SOX5: variants seen among roughly 807,000 people sequenced by gnomAD.
The protein encoded by SOX5 is SRY-box transcription factor 5, also known as transcription factor SOX-5.
A neutral mutation model predicts 92.0 loss-of-function variants in SOX5; 9 were observed. The observed-to-expected ratio is 0.10, with a 90% CI of 0.06 to 0.17. The LOEUF is 0.17. SOX5 is among the 10% of genes least tolerant of loss of function. The pLI is 1.00. For missense variants in SOX5, 642 were observed against 944.5 expected, an observed-to-expected ratio of 0.68 and a Z score of 4.20; for synonymous variants, 344 against 336.3, an observed-to-expected ratio of 1.02 and a Z score of -0.25.
rs1409560914 is a variant in SOX5 at position 23,711,465 on chromosome 12, T to C, written c.810+23219A>G. 2.0e-5 allele frequency among the ~76,000 whole-genome samples: 3 copies of C among 152,158 alleles called. No individual in the cohort carries two copies. In the East Asian group the frequency reaches 5.8e-4, roughly 29 times the overall value. ...CATTTAAATATATATTTATGCCAAATCAACAATGTTGCTACACACATGCTG... is the reference window on the plus strand; with the variant it reads ...CATTTAAATATATATTTATGCCAAACCAACAATGTTGCTACACACATGCTG... On this transcript the variant is annotated intron_variant, in intron 6 of 14. Coordinates refer to ENST00000451604, the MANE Select transcript of SOX5 (RefSeq NM_006940.6).
chr12:24,412,244 C>T (rs535290748), intron 1 of SOX5, among the ~76,000 whole-genome samples: 1 of 152,062 alleles, frequency 6.6e-6, no homozygotes, highest in South Asian at 2.1e-4. Flanking sequence ...TTAAAGTAAC[C>T]TTAATTTTTT....
At chr12:23,983,435 T>C (rs1949783082) in intron 4 of SOX5, among the ~76,000 whole-genome samples, 1 of 152,184 alleles carries the variant, frequency 6.6e-6, no homozygotes, top group Non-Finnish European at 1.5e-5. Flanking sequence ...GTCGGAAGAC[T>C]GGCCTTTGAA....
chr12:23,801,094 G>A (rs767082372), intron 3 of SOX5, among the ~76,000 whole-genome samples: 27 of 152,094 alleles, frequency 1.8e-4, no homozygotes, highest in Non-Finnish European at 3.8e-4. Flanking sequence ...GCCATACTAC[G>A]AATAGGAAGT....
rs1955897784 is a variant in SOX5, at chr12:24,364,161, C to T, written c.-174+4402G>A. On this transcript the variant is annotated intron_variant, in intron 2 of 4. Transcript: ENST00000446891. ...GTGAATTTTCTCCCTCTGTTCACTC[C>T]TTAGCTCATGTCCTATTCAGAGGGG... Among the ~76,000 whole-genome samples the T allele has an allele frequency of 2.0e-5, 3 of 152,108 alleles. No individual in the cohort carries two copies. The South Asian group carries it at 6.2e-4, about 31-fold the overall frequency.
intron 8 of SOX5, among the ~76,000 whole-genome samples, chr12:23,611,959 A>T (rs939681462): frequency 6.6e-6 from 1 of 152,010 alleles, no homozygotes; most frequent in Non-Finnish European, 1.5e-5. Flanking sequence ...TACAACTGAA[A>T]TATGTCTTTC....
intron 4 of SOX5, among the ~76,000 whole-genome samples, chr12:23,979,730 T>G (rs1184648375): frequency 8.1e-6 from 1 of 123,656 alleles, no homozygotes; most frequent in African/African-American, 3.0e-5. Flanking sequence ...TTTTTTTTTT[T>G]TTTTGGAGAC....
chr12:24,411,268 T>A (rs904376456), intron 1 of SOX5, among the ~76,000 whole-genome samples: 5 of 151,984 alleles, frequency 3.3e-5, no homozygotes, highest in Non-Finnish European at 7.4e-5. Flanking sequence ...ATAGGGACAG[T>A]TTTATTTTTG....
chr12:23,597,438 C>G (rs563241752), intron 9 of SOX5, among the ~76,000 whole-genome samples: 1 of 152,196 alleles, frequency 6.6e-6, no homozygotes, highest in South Asian at 2.1e-4. Context: ...TGTTTAAGTA[C>G]CTAGCTGTTT....
At chr12:24,070,872 A>G (rs1941668249) in intron 4 of SOX5, among the ~76,000 whole-genome samples, 1 of 152,204 alleles carries the variant, frequency 6.6e-6, no homozygotes, top group Non-Finnish European at 1.5e-5. Context: ...CTTCCAGTCA[A>G]TTATCCACCA....
In SOX5 at chr12:24,312,023, CAAAG is replaced by C. The variant is rs201784145; in HGVS notation, c.-173-34715_-173-34712del. 9.2e-3 allele frequency among the ~76,000 whole-genome samples: 1,368 copies of C among 148,764 alleles called. 15 individuals carry two copies. Among genetic ancestry groups the C allele is most frequent in the African/African-American group, 0.026 (1,047 of 39,802 alleles). On this transcript the variant is annotated intron_variant, in intron 2 of 4. Coordinates refer to the SOX5 transcript ENST00000446891. ...TTAAAAATTCTACATAAATTAAACC[CAAAG>C]AAATTGGTAGTTGAGAAATTAAGGC...
At chr12:23,689,063 TATACTG>T (rs2088218709) in intron 6 of SOX5, among the ~76,000 whole-genome samples, 1 of 152,184 alleles carries the variant, frequency 6.6e-6, no homozygotes, top group African/African-American at 2.4e-5. Flanking sequence ...ACCTTCCAGG[TATACTG>T]AAATAGCTCT....
chr12:24,487,479 A>G (rs1415591593), intron 1 of SOX5, among the ~76,000 whole-genome samples: 10 of 152,316 alleles, frequency 6.6e-5, no homozygotes, highest in African/African-American at 2.4e-4. Context: ...GACTGGCTCA[A>G]CAGGATATTT....
intron 3 of SOX5, among the ~76,000 whole-genome samples, chr12:23,834,424 A>G (rs1046861165): frequency 6.6e-6 from 1 of 151,906 alleles, no homozygotes; most frequent in Non-Finnish European, 1.5e-5. Flanking sequence ...ATATAATAAC[A>G]CGAGCAAATC....
chr12:23,767,144 C>A (rs1337263562), intron 3 of SOX5, among the ~76,000 whole-genome samples: 1 of 151,588 alleles, frequency 6.6e-6, no homozygotes, highest in East Asian at 1.9e-4. Context: ...GAGGTAGAGG[C>A]TGCAGTGAGC....
At chr12:24,372,474 T>C (rs1956840040) in intron 1 of SOX5, among the ~76,000 whole-genome samples, 1 of 152,222 alleles carries the variant, frequency 6.6e-6, no homozygotes, top group South Asian at 2.1e-4. Flanking sequence ...CATCCTTTTT[T>C]ATGGCTACAT....
chr12:23,979,970 T>C (rs145407782), intron 4 of SOX5, among the ~76,000 whole-genome samples: 2,791 of 105,098 alleles, frequency 0.027, 66 homozygotes, highest in East Asian at 0.14. Flanking sequence ...GACAGATAGA[T>C]AGACAGATAG....
intron 2 of SOX5, among the ~76,000 whole-genome samples, chr12:24,357,886 G>C (rs186376534): frequency 6.0e-5 from 9 of 150,490 alleles, no homozygotes; most frequent in Non-Finnish European, 1.0e-4. Context: ...TATTGAAATT[G>C]TATGCCTCAG....
chr12:24,007,151 ATATATATATACATTTATATATGTATT>A (rs1382943665), intron 4 of SOX5, among the ~76,000 whole-genome samples: 2 of 77,128 alleles, frequency 2.6e-5, no homozygotes, highest in African/African-American at 8.5e-5. Context: ...ATATATATAT[ATATATATATACATTTATATATGTATT>A]TATATATATA....
chr12:23,583,973 C>T (rs1011501743), intron 9 of SOX5, among the ~76,000 whole-genome samples: 5 of 152,028 alleles, frequency 3.3e-5, no homozygotes, highest in Non-Finnish European at 5.9e-5. Context: ...CAGAGCAATA[C>T]GACTTTATAA....
Sources: gnomAD v4.1 joint callset for allele counts (sites outside exome capture counted in the v4.1 genomes callset) on GRCh38, gnomAD v4.1.1 for gene constraint, MANE v1.5 for transcripts, NCBI Gene and HGNC (gene_info 2026-07-23, HGNC 2026-07-21) for gene names.